Variants in BRPF3 observed in about 807,000 individuals in gnomAD.
The protein encoded by BRPF3 is bromodomain and PHD finger-containing protein 3.
In BRPF3, 18 loss-of-function variants were observed where a neutral mutation model predicts 102.0. That is an observed-to-expected ratio of 0.18 (90% CI 0.12 to 0.26). BRPF3 has a LOEUF of 0.26. Ranked by LOEUF, BRPF3 falls within the 10% of genes least tolerant of loss-of-function variation. BRPF3 has a pLI of 1.00. For synonymous variants in BRPF3, 570 were observed against 614.2 expected, an observed-to-expected ratio of 0.93 and a Z score of 1.06; for missense variants, 1,147 against 1,567.8, an observed-to-expected ratio of 0.73 and a Z score of 4.53.
At chr6:36,207,216 A>G in intron 3 of BRPF3, 97 bp from the exon 4 acceptor site, 1 of 1,500,816 alleles carries the variant, frequency 6.7e-7, no homozygotes, top group South Asian at 1.3e-5. Flanking sequence ...AAGGAAGGGG[A>G]CAAGACTTTT....
In BRPF3 at chr6:36,199,932, GA is replaced by G. The variant is rs766702298; in HGVS notation, c.-26-364del. Among the ~76,000 whole-genome samples, 3 of 152,216 alleles carry G rather than the reference GA, an allele frequency of 2.0e-5. No individual in the cohort carries two copies. The East Asian group carries it at 5.8e-4, about 29-fold the overall frequency. On this transcript the variant is annotated intron_variant, in intron 1 of 12. Coordinates refer to ENST00000357641, the MANE Select transcript of BRPF3 (RefSeq NM_015695.3). ...ACAAACAAAAATTCTTCCCCTCATG[GA>G]GCTTATATTCTAGTGGAAGGAAGGA...
chr6:36,228,026 T>G (rs1422797637), intron 11 of BRPF3, among the ~76,000 whole-genome samples: 7 of 152,242 alleles, frequency 4.6e-5, no homozygotes, highest in Non-Finnish European at 8.8e-5. Flanking sequence ...CTGTCTGCTC[T>G]GGAAGCAGGG....
chr6:36,207,463 C>G lies in BRPF3; in HGVS notation c.1737+19C>G. 6.2e-7 allele frequency: 1 copy of G among 1,612,646 alleles called. No homozygotes were observed. The highest frequency in any genetic ancestry group is 1.7e-4 in the Middle Eastern group (1 of 6,028). ...AGAGCAGGTAAGGAGGAGCCCCCAG[C>G]CCTAGGGCCCTAGTTCAAGGCCACT... On this transcript the variant is annotated intron_variant, in intron 4 of 12. Coordinates refer to ENST00000357641, the MANE Select transcript of BRPF3 (RefSeq NM_015695.3).
At chr6:36,204,444 G>A in intron 2 of BRPF3, 1 of 588,322 alleles carries the variant, frequency 1.7e-6, no homozygotes, top group Non-Finnish European at 3.0e-6. Context: ...TGCAAGGCAA[G>A]AGGTGGAAAA....
In BRPF3 at chr6:36,200,939, A is replaced by G. The variant is rs761535196; in HGVS notation, c.617A>G (p.Gln206Arg). Residue 206 changes from glutamine to arginine, a missense_variant, in exon 2 of 13, where the codon CAG (glutamine) becomes CGG (arginine). By Grantham distance (43) the Gln-to-Arg change is conservative. Coordinates refer to ENST00000357641, the MANE Select transcript of BRPF3 (RefSeq NM_015695.3). The surrounding 1 kb of genome is among the most constrained non-coding windows in gnomAD (Gnocchi z 5.3). ...YLESRSSGAQ[Q>R]SLIDEDAFCC... ...GAGAGTCGCAGCAGTGGGGCCCAAC[A>G]GTCACTCATCGATGAAGACGCTTTC... 3.7e-6 allele frequency: 6 copies of G among 1,614,202 alleles called. No individual in the cohort carries two copies. Among genetic ancestry groups the G allele is most frequent in the Non-Finnish European group, 3.4e-6 (4 of 1,180,028 alleles).
chr6:36,223,790 C>G (rs1202098012), intron 10 of BRPF3, among the ~76,000 whole-genome samples: 1 of 151,972 alleles, frequency 6.6e-6, no homozygotes, highest in Admixed American at 6.6e-5. Flanking sequence ...GTTTAAAATC[C>G]TTTTATTCAT....
At chr6:36,214,778 G>C (rs1335291660) in intron 8 of BRPF3, among the ~76,000 whole-genome samples, 2 of 152,158 alleles carry the variant, frequency 1.3e-5, no homozygotes, top group African/African-American at 4.8e-5. Context: ...TATATTAAAA[G>C]CAAATGAGTA....
At position 36,210,681 on chromosome 6, in the gene BRPF3, C is replaced by G. The variant is rs893959029; in HGVS notation, c.2179+153C>G. ...CACAGACTGAGGTATACCTTTGTGGCTAGAATAGTTCTAAGGGTTAAAGTT... is the reference window on the plus strand; with the variant it reads ...CACAGACTGAGGTATACCTTTGTGGGTAGAATAGTTCTAAGGGTTAAAGTT... On this transcript the variant is annotated intron_variant, in intron 6 of 12. Coordinates refer to ENST00000357641, the MANE Select transcript of BRPF3 (RefSeq NM_015695.3). The surrounding 1 kb of genome is among the most constrained non-coding windows in gnomAD (Gnocchi z 4.7). Among the ~76,000 whole-genome samples the G allele has an allele frequency of 6.6e-6, 1 of 152,184 alleles. No homozygotes were observed. The highest frequency in any genetic ancestry group is 1.5e-5 in the Non-Finnish European group (1 of 68,028).
At chr6:36,206,579 G>T (rs1767913632) in intron 3 of BRPF3, among the ~76,000 whole-genome samples, 1 of 152,108 alleles carries the variant, frequency 6.6e-6, no homozygotes, top group African/African-American at 2.4e-5. Context: ...ACTAAGCAAA[G>T]AATCACTAAT....
At position 36,225,298 on chromosome 6, in the gene BRPF3, C is replaced by T. The variant is rs77464023; in HGVS notation, c.3213C>T (p.Arg1071=). The change falls in exon 11 of 13, where the codon CGC becomes CGT. Residue 1071 remains arginine, a synonymous_variant. Transcript: ENST00000357641. ...GRSLLLPFED[R]GDLEPLELVW... ...GCCTCCTGCTGCCCTTTGAAGACCG[C>T]GGAGACCTGGAGCCCTTGGAGCTGG... The T allele has an allele frequency of 3.7e-6, 6 of 1,610,020 alleles. No individual in the cohort carries two copies. Among genetic ancestry groups the T allele is most frequent in the South Asian group, 2.2e-5 (2 of 91,090 alleles).
intron 10 of BRPF3, 118 bp from the exon 11 acceptor site, chr6:36,225,149 A>G: frequency 1.4e-6 from 1 of 706,634 alleles, no homozygotes; most frequent in Non-Finnish European, 2.4e-6. Context: ...GGAAGGGTGG[A>G]GGGGATGTTG....
chr6:36,217,381 G>A (rs1018819001), intron 8 of BRPF3, among the ~76,000 whole-genome samples: 4 of 152,158 alleles, frequency 2.6e-5, no homozygotes, highest in Non-Finnish European at 4.4e-5. Flanking sequence ...ATATCTCAGG[G>A]TGTGGTTGAC....
intron 10 of BRPF3, among the ~76,000 whole-genome samples, chr6:36,224,388 A>G (rs1768660965): frequency 1.3e-5 from 2 of 152,082 alleles, no homozygotes; most frequent in South Asian, 2.1e-4. Context: ...TGAAGCACTC[A>G]TTCACATGTG....
At chr6:36,206,498 A>G (rs1483109353) in intron 3 of BRPF3, among the ~76,000 whole-genome samples, 2 of 152,182 alleles carry the variant, frequency 1.3e-5, no homozygotes, top group Non-Finnish European at 2.9e-5. Context: ...GCTTCTTATT[A>G]GCTGTATCCT....
chr6:36,216,155 G>C (rs914763890), intron 8 of BRPF3, among the ~76,000 whole-genome samples: 2 of 152,138 alleles, frequency 1.3e-5, no homozygotes, highest in Admixed American at 6.5e-5. Context: ...CTCTGAGCCT[G>C]TTTCCTTATT....
chr6:36,204,244 G>T (rs1484405926), intron 2 of BRPF3, among the ~76,000 whole-genome samples: 1 of 152,168 alleles, frequency 6.6e-6, no homozygotes, highest in Non-Finnish European at 1.5e-5. Flanking sequence ...ACTCTCAGCC[G>T]CAGAAGGCAG....
At chr6:36,218,075 C>G (rs1768396149) in intron 9 of BRPF3, 65 bp downstream of exon 9, 1 of 1,408,746 alleles carries the variant, frequency 7.1e-7, no homozygotes. Flanking sequence ...CTCCATTCAG[C>G]TACAGATTGA....
chr6:36,209,117 C>T (rs141068946), intron 4 of BRPF3, among the ~76,000 whole-genome samples: 1 of 152,340 alleles, frequency 6.6e-6, no homozygotes, highest in East Asian at 1.9e-4. Flanking sequence ...CTTCATCATG[C>T]TGTCTCTAAA....
At chr6:36,219,388 G>A (rs1200324479) in intron 9 of BRPF3, among the ~76,000 whole-genome samples, 2 of 152,162 alleles carry the variant, frequency 1.3e-5, no homozygotes, top group Non-Finnish European at 2.9e-5. Flanking sequence ...TTCTAGCCTG[G>A]CCCTGGGTTG....
Sources: gnomAD v4.1 joint callset for allele counts (sites outside exome capture counted in the v4.1 genomes callset) on GRCh38, gnomAD v4.1.1 for gene constraint, Gnocchi (gnomAD v3.1) non-coding constraint, MANE v1.5 for transcripts, NCBI Gene and HGNC (gene_info 2026-07-23, HGNC 2026-07-21) for gene names.